The following TEAD4 variants were observed in gnomAD, a reference collection of about 807,000 sequenced individuals.
The protein encoded by TEAD4 is TEA domain transcription factor 4.
Under a neutral mutation model 52.4 loss-of-function variants are expected in TEAD4, and 36 were observed. That is an observed-to-expected ratio of 0.69 (90% CI 0.53 to 0.91). The LOEUF is 0.91. Ranked by LOEUF, TEAD4 falls within the 40% of genes least tolerant of loss-of-function variation. The probability of loss-of-function intolerance (pLI) is 0.00; values close to 1 mark genes in which losing one functional copy is unlikely to be tolerated. For missense variants in TEAD4, 508 were observed against 583.9 expected, an observed-to-expected ratio of 0.87 and a Z score of 1.34; for synonymous variants, 220 against 231.0, an observed-to-expected ratio of 0.95 and a Z score of 0.43.
chr12:2,975,568 A>C (rs536548583), intron 2 of TEAD4, among the ~76,000 whole-genome samples: 43 of 151,974 alleles, frequency 2.8e-4, no homozygotes, highest in African/African-American at 9.4e-4. Context: ...TTGTATTTTT[A>C]GTAGAGACAG....
At chr12:3,001,507 C>T (rs1250135190) in intron 3 of TEAD4, among the ~76,000 whole-genome samples, 1 of 152,228 alleles carries the variant, frequency 6.6e-6, no homozygotes, top group Non-Finnish European at 1.5e-5. Context: ...CGCGGTGGCT[C>T]ACGCCTGTAA....
intron 10 of TEAD4, among the ~76,000 whole-genome samples, chr12:3,026,021 GT>G (rs1326172579): frequency 6.6e-6 from 1 of 151,664 alleles, no homozygotes; most frequent in Non-Finnish European, 1.5e-5. Context: ...GATATGTGTT[GT>G]TTTACTTCCC....
At chr12:3,038,810 C>G (rs897156243) in intron 11 of TEAD4, among the ~76,000 whole-genome samples, 11 of 152,296 alleles carry the variant, frequency 7.2e-5, no homozygotes, top group African/African-American at 2.4e-4. Context: ...GTTATCTTCA[C>G]TGTCCGTGAC....
chr12:3,025,935 A>AT (rs2098271804), intron 10 of TEAD4, among the ~76,000 whole-genome samples: 2 of 55,598 alleles, frequency 3.6e-5, no homozygotes, highest in Non-Finnish European at 9.9e-5. Context: ...TTATTATGTA[A>AT]CTTTTTTTTT....
rs1243945522 is a variant in TEAD4, at chr12:3,012,137, G to A, written c.292-33G>A. The A allele has an allele frequency of 2.5e-6, 4 of 1,611,692 alleles. No individual in the cohort carries two copies. In the South Asian group the frequency reaches 4.4e-5, roughly 18 times the overall value. ...GGCTGGGGAACACAGGTTGTTGGGA[G>A]GTAGAGACAGGAGTCCTCTCTCCCT... On this transcript the variant is annotated intron_variant, in intron 4 of 12. Transcript: ENST00000359864.
rs1410988798 is a variant in TEAD4, at chr12:3,020,765, C to T, written c.715C>T (p.Pro239Ser). The T allele has an allele frequency of 3.7e-6, 6 of 1,605,688 alleles. No individual in the cohort carries two copies. The highest frequency in any genetic ancestry group is 5.1e-6 in the Non-Finnish European group (6 of 1,175,830). The change falls in exon 9 of 13, where the codon CCG (proline) becomes TCG (serine). Residue 239 changes from proline (P) to serine (S), a missense_variant. Coordinates refer to ENST00000359864, the MANE Select transcript of TEAD4 (RefSeq NM_003213.4). ...TGCCTTCCTGGAGCAGCAGCAGGACCCGGACACGGTAGGTCCTGGCCTCTG... is the reference window on the plus strand; with the variant it reads ...TGCCTTCCTGGAGCAGCAGCAGGACTCGGACACGGTAGGTCCTGGCCTCTG...
chr12:2,995,602 G>T (rs1230817069), intron 3 of TEAD4, among the ~76,000 whole-genome samples: 1 of 152,186 alleles, frequency 6.6e-6, no homozygotes, highest in Non-Finnish European at 1.5e-5. Flanking sequence ...TTTGTGAGTG[G>T]CTGGGGTTGC....
At chr12:2,996,837 T>TC (rs34743490) in intron 3 of TEAD4, among the ~76,000 whole-genome samples, 4 of 152,308 alleles carry the variant, frequency 2.6e-5, no homozygotes, top group Admixed American at 2.0e-4. Context: ...TGCTTCACCC[T>TC]CCCGAGTAGT....
chr12:3,037,898 G>T, intron 10 of TEAD4, 70 bp from the exon 11 acceptor site: 1 of 1,551,880 alleles, frequency 6.4e-7, no homozygotes, highest in African/African-American at 1.4e-5. Flanking sequence ...GGACCCTGAG[G>T]TCTCCTTGAT....
chr12:3,011,284 A>G (rs2109203), intron 4 of TEAD4, among the ~76,000 whole-genome samples: 127,396 of 151,998 alleles, frequency 0.84, 53,707 homozygotes, highest in East Asian at 1. Flanking sequence ...AGACTGGAGT[A>G]CAATGACGTG....
intron 3 of TEAD4, among the ~76,000 whole-genome samples, chr12:2,997,032 A>G (rs1267080883): frequency 6.6e-6 from 1 of 152,176 alleles, no homozygotes; most frequent in African/African-American, 2.4e-5. Flanking sequence ...TCTCTCTCCT[A>G]TAAATGTCTG....
intron 2 of TEAD4, among the ~76,000 whole-genome samples, chr12:2,988,525 A>T (rs1314090304): frequency 3.3e-5 from 5 of 151,500 alleles, no homozygotes; most frequent in Non-Finnish European, 5.9e-5. Flanking sequence ...AAAAAAAAAA[A>T]AGATATATTG....
rs2098245893 is a variant in TEAD4 at position 2,994,845 on chromosome 12, G to A, written c.79G>A (p.Gly27Ser). The stretch of plus-strand genomic sequence containing the variant: ...CCCTGAGGGGAGCACCGCCTCTGGG[G>A]GCAGTCAGGCACTGGACAAGCCCAT... The change falls in exon 3 of 13, where the codon GGC becomes AGC. Residue 27 changes from glycine (G) to serine (S), a missense_variant. Transcript: ENST00000359864. The surrounding 1 kb of genome is among the most constrained non-coding windows in gnomAD (Gnocchi z 4.7). 7 of 1,613,966 alleles carry A rather than the reference G, an allele frequency of 4.3e-6. No individual in the cohort carries two copies. The highest frequency in any genetic ancestry group is 5.9e-6 in the Non-Finnish European group (7 of 1,180,026).
intron 8 of TEAD4, 55 bp downstream of exon 8, chr12:3,019,225 T>C (rs2098266858): frequency 3.7e-6 from 6 of 1,603,670 alleles, no homozygotes; most frequent in Non-Finnish European, 5.1e-6. Context: ...CTCCTGCCTC[T>C]GGGTCCAGGC....
chr12:3,012,909 G>T (rs1042266729), intron 5 of TEAD4, among the ~76,000 whole-genome samples: 2 of 152,174 alleles, frequency 1.3e-5, no homozygotes, highest in Non-Finnish European at 2.9e-5. Context: ...TTGGTGGGAA[G>T]ATCTGACATT....
chr12:2,970,554 G>A (rs1273054784), intron 2 of TEAD4, among the ~76,000 whole-genome samples: 4 of 152,236 alleles, frequency 2.6e-5, no homozygotes, highest in Non-Finnish European at 5.9e-5. Flanking sequence ...GAGGTAGGGG[G>A]TCGATGATGT....
At chr12:3,011,446 G>C (rs1252666462) in intron 4 of TEAD4, among the ~76,000 whole-genome samples, 1 of 152,086 alleles carries the variant, frequency 6.6e-6, no homozygotes, top group East Asian at 1.9e-4. Context: ...TGGCCAGGCT[G>C]GTCTCGAATT....
intron 3 of TEAD4, among the ~76,000 whole-genome samples, chr12:2,996,460 G>C (rs1437059943): frequency 6.6e-6 from 1 of 150,406 alleles, no homozygotes; most frequent in African/African-American, 2.5e-5. Flanking sequence ...CCAGGCTAGA[G>C]TGCAATGGGC....
At chr12:2,997,770 C>T (rs1388430478) in intron 3 of TEAD4, among the ~76,000 whole-genome samples, 1 of 149,916 alleles carries the variant, frequency 6.7e-6, no homozygotes, top group Non-Finnish European at 1.5e-5. Context: ...AGTTGAGCAC[C>T]CCTGGGGACC....
Sources: allele counts gnomAD v4.1 joint callset (sites outside exome capture counted in the v4.1 genomes callset), GRCh38; gene constraint gnomAD v4.1.1; non-coding constraint Gnocchi (gnomAD v3.1); transcripts MANE v1.5; gene names NCBI Gene and HGNC (gene_info 2026-07-23, HGNC 2026-07-21).